POLR3C: variants seen among roughly 807,000 people sequenced by gnomAD.
The protein encoded by POLR3C is DNA-directed RNA polymerase III subunit RPC3.
Under a neutral mutation model 65.9 loss-of-function variants are expected in POLR3C, and 44 were observed. The observed-to-expected ratio is 0.67, with a 90% CI of 0.52 to 0.86. The LOEUF (loss-of-function observed/expected upper bound fraction) is 0.86, where lower values mean the gene tolerates loss of function less well. Among genes scored for constraint, POLR3C ranks in the 40% least tolerant of loss-of-function variants. The pLI is 0.00. For synonymous variants in POLR3C, 263 were observed against 231.6 expected, an observed-to-expected ratio of 1.14 and a Z score of -1.23; for missense variants, 576 against 653.2, an observed-to-expected ratio of 0.88 and a Z score of 1.29.
At chr1:145,829,596 A>G (rs1553726650) in intron 5 of POLR3C, among the ~76,000 whole-genome samples, 2 of 152,234 alleles carry the variant, frequency 1.3e-5, no homozygotes, top group African/African-American at 4.8e-5. Flanking sequence ...TACTTTTAGA[A>G]GAAATCCAAG....
intron 5 of POLR3C, among the ~76,000 whole-genome samples, chr1:145,829,936 G>A (rs1651156728): frequency 6.6e-6 from 1 of 152,080 alleles, no homozygotes; most frequent in African/African-American, 2.4e-5. Flanking sequence ...ATTTATAACT[G>A]GAATTATTTA....
intron 13 of POLR3C, chr1:145,840,476 G>C: frequency 3.1e-6 from 1 of 324,536 alleles, no homozygotes; most frequent in Non-Finnish European, 5.8e-6. Context: ...GTGAGTGGAG[G>C]TTGCAGTGAA....
chr1:145,831,529 AAAGAG>A lies in POLR3C; in HGVS notation c.679-1729_679-1725del, dbSNP rs1451217280. On this transcript the variant is annotated intron_variant, in intron 5 of 14. Transcript: ENST00000334163. ...AACTCCATCTCAAAAAAAAAAAAAA[AAAGAG>A]AGAGTTCTAGGATAGAGTAACAGAT... Among the ~76,000 whole-genome samples the A allele has an allele frequency of 5.9e-5, 9 of 151,708 alleles. No individual in the cohort carries two copies. In the South Asian group the frequency reaches 8.3e-4, roughly 14 times the overall value.
intron 5 of POLR3C, 125 bp from the exon 6 acceptor site, chr1:145,833,135 A>G: frequency 4.9e-6 from 3 of 609,790 alleles, no homozygotes; most frequent in South Asian, 2.2e-5. Context: ...ACATGACTGA[A>G]TGATTTTTTT....
intron 4 of POLR3C, among the ~76,000 whole-genome samples, chr1:145,827,787 G>C (rs1336687645): frequency 6.6e-6 from 1 of 150,986 alleles, no homozygotes; most frequent in African/African-American, 2.5e-5. Context: ...AAATAGCCAG[G>C]TATGGTGGCA....
In POLR3C at chr1:145,843,268, G is replaced by A. The variant is rs782117788; in HGVS notation, c.*848G>A. 1.3e-5 allele frequency among the ~76,000 whole-genome samples: 2 copies of A among 152,086 alleles called. No homozygotes were observed. The highest frequency in any genetic ancestry group is 2.9e-5 in the Non-Finnish European group (2 of 68,032). On this transcript the variant is annotated 3_prime_UTR_variant, in exon 15 of 15. Transcript: ENST00000334163. ...TATGGTAAGCACACAGTAAATTAGC[G>A]CCTTCCTCTTCTCCATGGTTCCTTA...
rs1553725990 is a variant in POLR3C at position 145,826,941 on chromosome 1, A to G, written c.525A>G (p.Pro175=). The change falls in exon 4 of 15, where the codon CCA becomes CCG. Residue 175 remains proline (P), a synonymous_variant. Coordinates refer to ENST00000334163, the MANE Select transcript of POLR3C (RefSeq NM_006468.8). The part of the protein sequence containing the change: ...TTENSDPGPP[P]PAPTLVINEK... The stretch of plus-strand genomic sequence containing the variant: ...AGAATTCAGACCCTGGGCCACCACC[A>G]CCTGCCCCCACACTTGTCATTAATG... 1.9e-6 allele frequency: 3 copies of G among 1,613,382 alleles called. No homozygotes were observed. Among genetic ancestry groups the G allele is most frequent in the South Asian group, 1.1e-5 (1 of 90,956 alleles).
At chr1:145,839,256 G>A (rs1652099421) in intron 11 of POLR3C, among the ~76,000 whole-genome samples, 1 of 152,136 alleles carries the variant, frequency 6.6e-6, no homozygotes, top group African/African-American at 2.4e-5. Context: ...GGGCAACAGA[G>A]CAAGACTCTG....
intron 4 of POLR3C, 69 bp downstream of exon 4, chr1:145,827,074 TG>T: frequency 5.1e-6 from 6 of 1,184,274 alleles, no homozygotes; most frequent in Non-Finnish European, 6.2e-6. Context: ...GTCAAGTGTA[TG>T]AAATGTGATT....
intron 10 of POLR3C, 146 bp from the exon 11 acceptor site, chr1:145,837,910 C>A: frequency 1.4e-6 from 1 of 713,962 alleles, no homozygotes; most frequent in Non-Finnish European, 2.3e-6. Context: ...CCATCACCAA[C>A]CTATGGAGCT....
chr1:145,836,679 C>A lies in POLR3C; in HGVS notation c.957+105C>A, dbSNP rs1168788792. On this transcript the variant is annotated intron_variant, in intron 8 of 14. Transcript: ENST00000334163. The stretch of plus-strand genomic sequence containing the variant: ...ATCCTCCTGCAGAGTTATTCTCTAC[C>A]TAGCCAGCCCAGACAATTTCTCCAC... 4 of 938,410 alleles carry A rather than the reference C, an allele frequency of 4.3e-6. No individual in the cohort carries two copies. In the South Asian group the frequency reaches 5.2e-5, roughly 12 times the overall value. The allele number at this position is 938,410 out of a possible 1,614,324, so 58.1% of individuals were successfully genotyped here. A position where few individuals can be genotyped will look rare whatever the true frequency, so the allele number is the denominator to read the frequency against.
rs1452619804 is a variant in POLR3C at position 145,843,169 on chromosome 1, G to T, written c.*749G>T. Among the ~76,000 whole-genome samples, 7 of 151,862 alleles carry T rather than the reference G, an allele frequency of 4.6e-5. No homozygotes were observed. In the East Asian group the frequency reaches 1.3e-3, roughly 29 times the overall value. On this transcript the variant is annotated 3_prime_UTR_variant, in exon 15 of 15. Transcript: ENST00000334163. ...GTCACACTAGAATCTGTGGACTGAA[G>T]CCACATTTGCCAGCTCCAGGCTTCT...
intron 5 of POLR3C, among the ~76,000 whole-genome samples, chr1:145,831,097 T>G (rs761922279): frequency 4.1e-5 from 6 of 145,108 alleles, no homozygotes; most frequent in South Asian, 4.3e-4. Context: ...AGACCCTGTC[T>G]CAAAAAAAAA....
In POLR3C at chr1:145,824,201, G is replaced by C. The variant is rs1650489687; in HGVS notation, c.-189G>C. On this transcript the variant is annotated 5_prime_UTR_variant, in exon 1 of 15. Transcript: ENST00000334163. ...CGGAAGCCGCCGAAACTCTGGGGTA[G>C]AGTGGCACGCGCTTTTTGCTTTTCC... 1 of 329,322 alleles carries C rather than the reference G, an allele frequency of 3.0e-6. No individual in the cohort carries two copies. Among genetic ancestry groups the C allele is most frequent in the African/African-American group, 2.2e-5 (1 of 45,224 alleles). The allele number at this position is 329,322 out of a possible 1,614,324, so 20.4% of individuals were successfully genotyped here.
rs1553729943 is a variant in POLR3C at position 145,839,932 on chromosome 1, T to C, written c.1264T>C (p.Tyr422His). Residue 422 changes from tyrosine to histidine, a missense_variant, in exon 12 of 15, where the codon TAT (tyrosine) becomes CAT (histidine). Transcript: ENST00000334163. ...TPDHAPSRTF[Y>H]LYTVNILSAA... Reference sequence around the variant, plus strand: ...AGACCATGCCCCATCCAGGACCTTCTATTTATATACTGTGAACATCCTGTC... The same window carrying C: ...AGACCATGCCCCATCCAGGACCTTCCATTTATATACTGTGAACATCCTGTC... The C allele has an allele frequency of 1.9e-6, 3 of 1,612,086 alleles. No individual in the cohort carries two copies. Among genetic ancestry groups the C allele is most frequent in the Non-Finnish European group, 1.7e-6 (2 of 1,178,140 alleles).
At chr1:145,842,204 T>A (rs1278148450) in intron 14 of POLR3C, 135 bp from the exon 15 acceptor site, 1 of 614,184 alleles carries the variant, frequency 1.6e-6, no homozygotes, top group Non-Finnish European at 2.9e-6. Context: ...AATGATCTAC[T>A]GGTTCTCCTG....
At chr1:145,834,771 C>G (rs12044166) in intron 7 of POLR3C, among the ~76,000 whole-genome samples, 1 of 152,118 alleles carries the variant, frequency 6.6e-6, no homozygotes, top group Non-Finnish European at 1.5e-5. Context: ...CAGCTGCACA[C>G]GGTCCGTTGT....
chr1:145,830,644 C>G (rs1277970885), intron 5 of POLR3C, among the ~76,000 whole-genome samples: 1 of 151,600 alleles, frequency 6.6e-6, no homozygotes, highest in Non-Finnish European at 1.5e-5. Flanking sequence ...ACTAAAAATA[C>G]AAAAATTAAC....
intron 5 of POLR3C, among the ~76,000 whole-genome samples, chr1:145,829,271 C>T (rs967535414): frequency 3.9e-5 from 6 of 152,120 alleles, no homozygotes; most frequent in African/African-American, 1.4e-4. Flanking sequence ...ATATCTTGCT[C>T]CCTCATAAAC....
Sources: allele counts gnomAD v4.1 joint callset (sites outside exome capture counted in the v4.1 genomes callset), GRCh38; gene constraint gnomAD v4.1.1; transcripts MANE v1.5; gene names NCBI Gene and HGNC (gene_info 2026-07-23, HGNC 2026-07-21).